The following PCDHA11 variants were observed in gnomAD, a reference collection of about 807,000 sequenced individuals.
The protein encoded by PCDHA11 is protocadherin alpha 11.
PCDHA11 carries 61 observed loss-of-function variants against 70.3 expected under a neutral mutation model. The ratio of observed to expected loss-of-function variants is 0.87; its 90% CI spans 0.71 to 1.07. The LOEUF (loss-of-function observed/expected upper bound fraction) is 1.07, where lower values mean the gene tolerates loss of function less well. PCDHA11 is among the 50% of genes least tolerant of loss of function. The pLI, the probability that PCDHA11 is intolerant of heterozygous loss-of-function variation, is 0.00. For missense variants in PCDHA11, 1,324 were observed against 1,237.5 expected, an observed-to-expected ratio of 1.07 and a Z score of -1.05; for synonymous variants, 633 against 555.1, an observed-to-expected ratio of 1.14 and a Z score of -1.97.
intron 1 of PCDHA11, among the ~76,000 whole-genome samples, chr5:140,872,927 T>A (rs1020178513): frequency 3.9e-5 from 6 of 152,216 alleles, no homozygotes; most frequent in African/African-American, 1.4e-4. Flanking sequence ...TTATCTCTAA[T>A]GTTTTTGAAA....
intron 1 of PCDHA11, chr5:140,877,068 G>T: frequency 6.2e-7 from 1 of 1,613,122 alleles, no homozygotes; most frequent in African/African-American, 1.3e-5. Context: ...AGCTGCTGCA[G>T]TTCCAGGTGA....
intron 3 of PCDHA11, among the ~76,000 whole-genome samples, chr5:141,002,446 G>T (rs1456078562): frequency 1.3e-5 from 2 of 152,156 alleles, no homozygotes; most frequent in Admixed American, 6.5e-5. Context: ...ATAATAATTG[G>T]CACATTTGTA....
chr5:140,954,225 A>C (rs1554221300), intron 1 of PCDHA11, among the ~76,000 whole-genome samples: 2 of 152,242 alleles, frequency 1.3e-5, no homozygotes, highest in African/African-American at 4.8e-5. Context: ...TGCTATTGTG[A>C]ATAGTGCTGC....
intron 3 of PCDHA11, among the ~76,000 whole-genome samples, chr5:141,002,517 G>A (rs770473989): frequency 5.3e-5 from 8 of 152,208 alleles, no homozygotes; most frequent in Non-Finnish European, 8.8e-5. Flanking sequence ...GAGTCTCCTA[G>A]CTGGAGTCAG....
At chr5:140,934,171 A>C (rs965826085) in intron 1 of PCDHA11, among the ~76,000 whole-genome samples, 11 of 152,160 alleles carry the variant, frequency 7.2e-5, no homozygotes, top group African/African-American at 2.7e-4. Context: ...GTGCAACAGA[A>C]GTACTCTAAA....
At chr5:140,906,753 T>G (rs2072907402) in intron 1 of PCDHA11, among the ~76,000 whole-genome samples, 1 of 152,224 alleles carries the variant, frequency 6.6e-6, no homozygotes, top group Non-Finnish European at 1.5e-5. Context: ...CAGGGCATGG[T>G]AATACTAAGA....
intron 1 of PCDHA11, among the ~76,000 whole-genome samples, chr5:140,954,347 G>A (rs145658065): frequency 0.023 from 3,565 of 152,288 alleles, 49 homozygotes; most frequent in Middle Eastern, 0.034. Flanking sequence ...CTAGATCTTT[G>A]AGGAATCGCC....
At chr5:140,938,190 C>T (rs2091964057) in intron 1 of PCDHA11, among the ~76,000 whole-genome samples, 1 of 152,212 alleles carries the variant, frequency 6.6e-6, no homozygotes. Flanking sequence ...AAGCAATCCT[C>T]CCACGCCAGC....
intron 3 of PCDHA11, among the ~76,000 whole-genome samples, chr5:140,990,932 G>A (rs1161440839): frequency 6.6e-6 from 1 of 152,154 alleles, no homozygotes; most frequent in African/African-American, 2.4e-5. Flanking sequence ...ATCCCATACT[G>A]TTGCCTCCTG....
intron 3 of PCDHA11, among the ~76,000 whole-genome samples, chr5:140,989,839 A>G (rs2097362613): frequency 6.6e-6 from 1 of 152,166 alleles, no homozygotes; most frequent in Admixed American, 6.5e-5. Context: ...CCTGTCAATG[A>G]GTGTGTGGAC....
intron 3 of PCDHA11, among the ~76,000 whole-genome samples, chr5:141,000,413 A>AT (rs2097920175): frequency 1.1e-5 from 1 of 93,256 alleles, no homozygotes; most frequent in African/African-American, 4.5e-5. Context: ...ATATATATAT[A>AT]TATATATATT....
At chr5:140,964,482 G>A (rs1554227054) in intron 1 of PCDHA11, among the ~76,000 whole-genome samples, 1 of 152,144 alleles carries the variant, frequency 6.6e-6, no homozygotes, top group African/African-American at 2.4e-5. Flanking sequence ...TTTTTTCACA[G>A]TCACAGGTCT....
chr5:140,911,502 G>A (rs911736161), intron 1 of PCDHA11, among the ~76,000 whole-genome samples: 4 of 152,104 alleles, frequency 2.6e-5, no homozygotes, highest in Admixed American at 1.3e-4. Flanking sequence ...CAGGTTTGAG[G>A]TTCAGTATCT....
chr5:140,969,339 A>AGTG (rs782647003), intron 1 of PCDHA11: 3 of 1,613,948 alleles, frequency 1.9e-6, no homozygotes, highest in African/African-American at 2.7e-5. Flanking sequence ...GAGGTGAGAC[A>AGTG]GTGGTCAGGG....
intron 3 of PCDHA11, among the ~76,000 whole-genome samples, chr5:140,986,901 A>G (rs1289100953): frequency 6.6e-6 from 1 of 152,134 alleles, no homozygotes; most frequent in Non-Finnish European, 1.5e-5. Context: ...GCCCTATCCT[A>G]GACTAATGAA....
rs189370080 is a variant in PCDHA11 at position 140,877,740 on chromosome 5, G to C, written c.2391+6246G>C. 2.8e-3 allele frequency: 4,494 copies of C among 1,614,198 alleles called. 21 individuals carry two copies. Among genetic ancestry groups the C allele is most frequent in the African/African-American group, 0.01 (782 of 75,064 alleles). On this transcript the variant is annotated intron_variant, in intron 1 of 3. Transcript: ENST00000398640. ...GGTCTTACTCGCAGCAGAGGAGGCA[G>C]AGGGTGTGCTCTGCAGAGAGCCCGC...
intron 1 of PCDHA11, among the ~76,000 whole-genome samples, chr5:140,937,150 G>A (rs2153631833): frequency 6.7e-6 from 1 of 149,812 alleles, no homozygotes; most frequent in East Asian, 2.0e-4. Context: ...CCATTCTCCT[G>A]CCTCAGCCTC....
intron 1 of PCDHA11, among the ~76,000 whole-genome samples, chr5:140,940,086 A>C (rs373629874): frequency 6.6e-6 from 1 of 152,214 alleles, no homozygotes; most frequent in Non-Finnish European, 1.5e-5. Flanking sequence ...TTTCTGCTAA[A>C]TTGAAACTTT....
intron 1 of PCDHA11, chr5:140,968,053 A>C: frequency 6.2e-7 from 1 of 1,614,154 alleles, no homozygotes; most frequent in Non-Finnish European, 8.5e-7. Flanking sequence ...CACTGGACCG[A>C]GAGCGGGTGG....
Sources: gnomAD v4.1 joint callset for allele counts (sites outside exome capture counted in the v4.1 genomes callset) on GRCh38, gnomAD v4.1.1 for gene constraint, MANE v1.5 for transcripts, NCBI Gene and HGNC (gene_info 2026-07-23, HGNC 2026-07-21) for gene names.